Variants in FANCB observed in about 807,000 individuals in gnomAD.
FANCB encodes the protein FA complementation group B.
A neutral mutation model predicts 38.9 loss-of-function variants in FANCB; 5 were observed. That is an observed-to-expected ratio of 0.13 (90% confidence interval 0.07 to 0.27). The LOEUF (loss-of-function observed/expected upper bound fraction) is 0.27, where lower values mean the gene tolerates loss of function less well. Ranked by LOEUF, FANCB falls within the 10% of genes least tolerant of loss-of-function variation. The pLI, the probability that FANCB is intolerant of heterozygous loss-of-function variation, is 1.00. For missense variants in FANCB, 573 were observed against 602.7 expected (o/e 0.95, Z 0.52); for synonymous variants, 236 against 215.4 (o/e 1.10, Z -0.84).
chrX:14,847,779 T>C (rs1323574089), intron 7 of FANCB, among the ~76,000 whole-genome samples: 3 of 110,678 alleles, frequency 2.7e-5, no homozygotes, highest in African/African-American at 9.9e-5. Flanking sequence ...GAATACACAA[T>C]TGAAGATCAA....
intron 7 of FANCB, among the ~76,000 whole-genome samples, chrX:14,848,315 G>T (rs1383705528): frequency 8.9e-6 from 1 of 112,020 alleles, no homozygotes; most frequent in African/African-American, 3.2e-5. Context: ...CAGTCAGGGA[G>T]GTTTCACATC....
the FANCB span, among the ~76,000 whole-genome samples, chrX:14,815,321 T>A: frequency 4.1e-5 from 4 of 97,115 alleles, no homozygotes; most frequent in Non-Finnish European, 4.2e-5. Flanking sequence ...AAGTATAATT[T>A]AAAAAAAAGT....
the FANCB span, among the ~76,000 whole-genome samples, chrX:14,691,875 GAA>G: frequency 6.9e-4 from 78 of 112,314 alleles, 2 homozygotes; most frequent in Non-Finnish European, 2.1e-4. Context: ...AGTAGAGAGA[GAA>G]AGATTTTTCA....
At chrX:14,711,803 C>T in the FANCB span, among the ~76,000 whole-genome samples, 1 of 112,443 alleles carries the variant, frequency 8.9e-6, no homozygotes, top group Non-Finnish European at 1.9e-5. Context: ...CCAGAGTTTT[C>T]GCTCCAGAGC....
chrX:14,769,956 T>C, the FANCB span, among the ~76,000 whole-genome samples: 1 of 112,311 alleles, frequency 8.9e-6, no homozygotes, highest in African/African-American at 3.2e-5. Context: ...CATGTAGATG[T>C]GTCGTTTTGA....
downstream of FANCB, among the ~76,000 whole-genome samples, chrX:14,834,148 GA>G (rs1396740937): frequency 9.1e-6 from 1 of 110,292 alleles, no homozygotes; most frequent in Non-Finnish European, 1.9e-5. Context: ...GCCCTTGGGT[GA>G]TTTTTTTTTT....
the FANCB span, among the ~76,000 whole-genome samples, chrX:14,780,082 T>C: frequency 7.2e-5 from 8 of 110,790 alleles, no homozygotes; most frequent in Non-Finnish European, 1.3e-4. Context: ...TAGACCAAAT[T>C]ACTTTGAACT....
At chrX:14,860,074 A>G (rs2092440177) in intron 3 of FANCB, among the ~76,000 whole-genome samples, 1 of 111,497 alleles carries the variant, frequency 9.0e-6, no homozygotes, top group South Asian at 3.8e-4. Context: ...ATAGAGGACA[A>G]CTTCTTAATG....
At chrX:14,727,527 C>T in the FANCB span, among the ~76,000 whole-genome samples, 1 of 112,056 alleles carries the variant, frequency 8.9e-6, no homozygotes, top group African/African-American at 3.2e-5. Context: ...GTCCCCTCCT[C>T]CTAATGACCT....
At chrX:14,849,601 T>A (rs1318423168) in intron 7 of FANCB, among the ~76,000 whole-genome samples, 1 of 112,257 alleles carries the variant, frequency 8.9e-6, no homozygotes, top group African/African-American at 3.2e-5. Flanking sequence ...GATTTCAACA[T>A]CCCAAAAGAG....
At chrX:14,816,678 A>T in the FANCB span, among the ~76,000 whole-genome samples, 2 of 112,295 alleles carry the variant, frequency 1.8e-5, no homozygotes, top group Admixed American at 1.9e-4. Context: ...GTGTCTTCAG[A>T]CATTATCAAA....
At chrX:14,808,694 G>A in the FANCB span, among the ~76,000 whole-genome samples, 1 of 111,982 alleles carries the variant, frequency 8.9e-6, no homozygotes, top group Non-Finnish European at 1.9e-5. Context: ...ATTCAACATA[G>A]TACTGGAAAT....
At chrX:14,814,104 G>T in the FANCB span, among the ~76,000 whole-genome samples, 1 of 111,651 alleles carries the variant, frequency 9.0e-6, no homozygotes, top group Admixed American at 9.5e-5. Flanking sequence ...AATGGTGCTG[G>T]GAAAACTGGC....
the FANCB span, among the ~76,000 whole-genome samples, chrX:14,744,325 G>C: frequency 8.9e-6 from 1 of 112,351 alleles, no homozygotes; most frequent in South Asian, 3.7e-4. Flanking sequence ...ACTGAACTTA[G>C]TTAATTCAGA....
chrX:14,784,087 G>A, the FANCB span, among the ~76,000 whole-genome samples: 2 of 112,058 alleles, frequency 1.8e-5, no homozygotes, highest in Admixed American at 1.9e-4. Context: ...GTGGGCGCCT[G>A]TAGTCTCAGT....
chrX:14,838,219 C>T (rs777388864), intron 10 of FANCB, among the ~76,000 whole-genome samples: 42 of 112,169 alleles, frequency 3.7e-4, no homozygotes, highest in African/African-American at 9.7e-4. Flanking sequence ...ATATTATCCA[C>T]CATGCCATAG....
At position 14,865,304 on chromosome X, in the gene FANCB, T is replaced by C; in HGVS notation, c.207A>G (p.Glu69=). 14 of 1,165,128 alleles carry C rather than the reference T, an allele frequency of 1.2e-5. No individual in the cohort carries two copies. The highest frequency in any genetic ancestry group is 1.6e-5 in the Non-Finnish European group (14 of 874,605). ...QKSTGFFTIK[E]ENSHLKIMCC... ...ACATGATTTTTAAATGAGAGTTTTCTTCCTTTATGGTAAAAAATCCAGTGG... is the reference window on the plus strand; with the variant it reads ...ACATGATTTTTAAATGAGAGTTTTCCTCCTTTATGGTAAAAAATCCAGTGG... Residue 69 remains glutamate (E), a synonymous_variant, in exon 3 of 10, where the codon GAA becomes GAG. Transcript: ENST00000650831.
chrX:14,843,587 G>C lies in FANCB; in HGVS notation c.2560C>G (p.Gln854Glu). ...TATAATTATAAATTACTCAGTTTCT[G>C]TGCAGCAAAGTCTGATTTCAACTGA... is the stretch of plus-strand genomic sequence containing the variant. ...EVQLKSDFAA[Q>E]KLSNL is the part of the protein sequence containing the mutation. The change falls in exon 10 of 10, where the codon CAG becomes GAG. Residue 854 changes from glutamine to glutamate, a missense_variant. Gln to Glu is a conservative substitution (Grantham distance 29, BLOSUM62 2). Coordinates refer to ENST00000650831, the MANE Select transcript of FANCB (RefSeq NM_001018113.3). 2 of 1,185,610 alleles carry C rather than the reference G, an allele frequency of 1.7e-6. No homozygotes were observed. Among genetic ancestry groups the C allele is most frequent in the Non-Finnish European group, 2.3e-6 (2 of 875,013 alleles).
At chrX:14,734,479 T>C in the FANCB span, among the ~76,000 whole-genome samples, 2 of 111,834 alleles carry the variant, frequency 1.8e-5, no homozygotes, top group Non-Finnish European at 3.8e-5. Flanking sequence ...CCTTCACTTA[T>C]GAAGCTTAGT....
Sources: gnomAD v4.1 joint callset for allele counts (sites outside exome capture counted in the v4.1 genomes callset) on GRCh38, gnomAD v4.1.1 for gene constraint, MANE v1.5 for transcripts, NCBI Gene and HGNC (gene_info 2026-07-23, HGNC 2026-07-21) for gene names.